KCNC2: variants seen among roughly 807,000 people sequenced by gnomAD.
KCNC2 encodes the protein potassium voltage-gated channel subfamily C member 2.
A neutral mutation model predicts 44.5 loss-of-function variants in KCNC2; 21 were observed. That is an observed-to-expected ratio of 0.47 (90% CI 0.33 to 0.68). The LOEUF is 0.68. KCNC2 is among the 30% of genes least tolerant of loss of function. KCNC2 has a pLI of 0.01. For missense variants in KCNC2, 589 were observed against 826.2 expected, an observed-to-expected ratio of 0.71 and a Z score of 3.52; for synonymous variants, 391 against 339.1, an observed-to-expected ratio of 1.15 and a Z score of -1.68.
chr12:75,190,343 C>CT (rs1405774394), intron 2 of KCNC2, among the ~76,000 whole-genome samples: 1 of 152,106 alleles, frequency 6.6e-6, no homozygotes, highest in Non-Finnish European at 1.5e-5. Context: ...ATTTCTATTT[C>CT]TTAAACACCC....
intron 2 of KCNC2, among the ~76,000 whole-genome samples, chr12:75,103,546 A>G (rs747777923): frequency 6.6e-6 from 1 of 152,194 alleles, no homozygotes; most frequent in African/African-American, 2.4e-5. Context: ...GCTAGCAAAG[A>G]TGAGGTGAAT....
chr12:75,123,267 T>C (rs1888169602), intron 2 of KCNC2, among the ~76,000 whole-genome samples: 2 of 152,158 alleles, frequency 1.3e-5, no homozygotes, highest in South Asian at 4.1e-4. Context: ...ACTCAGCTAG[T>C]TTAATTGGCT....
chr12:75,201,228 G>A lies in KCNC2; in HGVS notation c.687+6069C>T, dbSNP rs952703015. Among the ~76,000 whole-genome samples the A allele has an allele frequency of 3.3e-4, 31 of 94,140 alleles. 1 individual carries two copies. Among genetic ancestry groups the A allele is most frequent in the Non-Finnish European group, 5.5e-4 (26 of 47,220 alleles). The allele number at this position is 94,140 out of a possible 152,430, so 61.8% of individuals were successfully genotyped here. A position where few individuals can be genotyped will look rare whatever the true frequency, so the allele number is the denominator to read the frequency against. On this transcript the variant is annotated intron_variant, in intron 2 of 4. Transcript: ENST00000549446. The stretch of plus-strand genomic sequence containing the variant: ...GCAGTAGCTACCCAACAGCTGTAGG[G>A]AAAAAAAAGGGCAGAAAGTTACAAA...
At chr12:75,158,608 T>C (rs940312574) in intron 2 of KCNC2, among the ~76,000 whole-genome samples, 3 of 151,882 alleles carry the variant, frequency 2.0e-5, no homozygotes, top group African/African-American at 7.2e-5. Flanking sequence ...AAAAAATCAA[T>C]CTGGCTTTTA....
rs202233348 is a variant in KCNC2, at chr12:75,207,743, C to G, written c.241G>C (p.Gly81Arg). The change falls in exon 2 of 5, where the codon GGC becomes CGC. Residue 81 changes from glycine to arginine, a missense_variant. By Grantham distance (125) the Gly-to-Arg change is moderately radical. Transcript: ENST00000549446. The surrounding 1 kb of genome is among the most constrained non-coding windows in gnomAD (Gnocchi z 4.1). ...SPGPGGCFEG[G>R]AGNCSSRGGR... ...CCGCGGGAACTGCAGTTGCCCGCGC[C>G]GCCCTCGAAGCAGCCGCCTGGCCCG... 3.8e-6 allele frequency: 6 copies of G among 1,567,452 alleles called. No homozygotes were observed. The East Asian group carries it at 1.4e-4, about 37-fold the overall frequency.
intron 2 of KCNC2, among the ~76,000 whole-genome samples, chr12:75,192,370 G>A (rs1346394177): frequency 3.9e-5 from 6 of 152,124 alleles, no homozygotes; most frequent in Non-Finnish European, 1.5e-5. Flanking sequence ...TGGGGACTTA[G>A]CATTTGGTCC....
chr12:75,154,947 T>C (rs1231437803), intron 2 of KCNC2, among the ~76,000 whole-genome samples: 1 of 152,002 alleles, frequency 6.6e-6, no homozygotes, highest in African/African-American at 2.4e-5. Flanking sequence ...TCTGTCTTTA[T>C]TGAGCCTATA....
intron 2 of KCNC2, among the ~76,000 whole-genome samples, chr12:75,083,739 T>C (rs550084487): frequency 1.3e-5 from 2 of 151,934 alleles, no homozygotes; most frequent in Non-Finnish European, 2.9e-5. Context: ...AATTGCCATA[T>C]TTGTAACTCA....
chr12:75,205,178 A>G (rs2031588632), intron 2 of KCNC2, among the ~76,000 whole-genome samples: 1 of 152,104 alleles, frequency 6.6e-6, no homozygotes, highest in East Asian at 1.9e-4. Flanking sequence ...GCCTGAGGAG[A>G]GTGTCATGAG....
At chr12:75,088,907 A>G (rs1885247633) in intron 2 of KCNC2, among the ~76,000 whole-genome samples, 1 of 151,932 alleles carries the variant, frequency 6.6e-6, no homozygotes, top group Admixed American at 6.6e-5. Flanking sequence ...ATCCAAATGC[A>G]TCTTAAACAG....
chr12:75,046,343 A>G (rs985073326), intron 4 of KCNC2, among the ~76,000 whole-genome samples: 4 of 151,758 alleles, frequency 2.6e-5, no homozygotes, highest in Non-Finnish European at 4.4e-5. Flanking sequence ...CTTTGTATTT[A>G]GATAGTGCCT....
chr12:75,100,466 A>C (rs1886284589), intron 2 of KCNC2, among the ~76,000 whole-genome samples: 1 of 152,098 alleles, frequency 6.6e-6, no homozygotes. Flanking sequence ...TTGGATGACA[A>C]ATGAAAAGGA....
chr12:75,137,229 A>G (rs1889296905), intron 2 of KCNC2, among the ~76,000 whole-genome samples: 1 of 152,062 alleles, frequency 6.6e-6, no homozygotes, highest in Admixed American at 6.6e-5. Flanking sequence ...TTTTTGTCTT[A>G]TAAATACCAA....
intron 2 of KCNC2, among the ~76,000 whole-genome samples, chr12:75,139,668 A>G (rs1429118082): frequency 6.6e-6 from 1 of 152,230 alleles, no homozygotes; most frequent in African/African-American, 2.4e-5. Flanking sequence ...ATGTCTAAGC[A>G]GAAATATGCT....
At chr12:75,190,877 G>C (rs1462514930) in intron 2 of KCNC2, among the ~76,000 whole-genome samples, 2 of 151,722 alleles carry the variant, frequency 1.3e-5, no homozygotes, top group African/African-American at 4.8e-5. Context: ...AAAGATACAA[G>C]ATATAGACTA....
intron 2 of KCNC2, among the ~76,000 whole-genome samples, chr12:75,099,296 G>A (rs567404367): frequency 9.9e-5 from 15 of 152,106 alleles, no homozygotes; most frequent in Non-Finnish European, 1.9e-4. Flanking sequence ...ACCCTCAACT[G>A]TATAATGCAT....
intron 2 of KCNC2, among the ~76,000 whole-genome samples, chr12:75,158,707 C>T (rs190068646): frequency 6.6e-6 from 1 of 151,764 alleles, no homozygotes; most frequent in Non-Finnish European, 1.5e-5. Flanking sequence ...TCCCAAAAAA[C>T]CTTCTGAGAA....
chr12:75,155,677 C>T (rs985785032), intron 2 of KCNC2, among the ~76,000 whole-genome samples: 1 of 151,424 alleles, frequency 6.6e-6, no homozygotes, highest in Non-Finnish European at 1.5e-5. Flanking sequence ...ACAGGTGGCC[C>T]TAACTAGAGA....
chr12:75,130,171 T>C (rs1199279097), intron 2 of KCNC2, among the ~76,000 whole-genome samples: 1 of 152,180 alleles, frequency 6.6e-6, no homozygotes, highest in Non-Finnish European at 1.5e-5. Context: ...AAACTAATCA[T>C]AACACATTTT....
Sources: gnomAD v4.1 joint callset for allele counts (sites outside exome capture counted in the v4.1 genomes callset) on GRCh38, gnomAD v4.1.1 for gene constraint, Gnocchi (gnomAD v3.1) non-coding constraint, MANE v1.5 for transcripts, NCBI Gene and HGNC (gene_info 2026-07-23, HGNC 2026-07-21) for gene names.